ADGRL2: variants seen among roughly 807,000 people sequenced by gnomAD.
ADGRL2 encodes calcium-independent alpha-latrotoxin receptor 2.
Under a neutral mutation model 157.4 loss-of-function variants are expected in ADGRL2, and 44 were observed. The ratio of observed to expected loss-of-function variants is 0.28; its 90% CI spans 0.22 to 0.36. ADGRL2 has a LOEUF of 0.36. Among genes scored for constraint, ADGRL2 ranks in the 10% least tolerant of loss-of-function variants. The probability of loss-of-function intolerance (pLI) is 1.00; values close to 1 mark genes in which losing one functional copy is unlikely to be tolerated. For synonymous variants in ADGRL2, 585 were observed against 624.7 expected, an observed-to-expected ratio of 0.94 and a Z score of 0.95; for missense variants, 1,510 against 1,768.9, an observed-to-expected ratio of 0.85 and a Z score of 2.63.
At chr1:81,491,938 T>C (rs1001775336) in intron 2 of ADGRL2, among the ~76,000 whole-genome samples, 54 of 152,270 alleles carry the variant, frequency 3.5e-4, no homozygotes, top group African/African-American at 1.2e-3. Flanking sequence ...ATGAGATGAC[T>C]GAAGATGGAA....
intron 3 of ADGRL2, among the ~76,000 whole-genome samples, chr1:81,914,658 A>G: frequency 6.6e-6 from 1 of 152,118 alleles, no homozygotes; most frequent in East Asian, 1.9e-4. Flanking sequence ...CTAACCCATC[A>G]TGTCTATGCA....
chr1:81,770,095 T>C (rs1273285579), intron 2 of ADGRL2, among the ~76,000 whole-genome samples: 2 of 149,242 alleles, frequency 1.3e-5, no homozygotes, highest in Non-Finnish European at 3.0e-5. Flanking sequence ...CCTCAGGTGG[T>C]CCACCTGCCT....
intron 1 of ADGRL2, among the ~76,000 whole-genome samples, chr1:81,386,600 T>C (rs2076440271): frequency 6.6e-6 from 1 of 152,134 alleles, no homozygotes; most frequent in South Asian, 2.1e-4. Flanking sequence ...ATTACCAAGC[T>C]AGAAAACATT....
At chr1:81,904,374 A>T (rs771913467) in intron 2 of ADGRL2, among the ~76,000 whole-genome samples, 1 of 152,230 alleles carries the variant, frequency 6.6e-6, no homozygotes, top group Non-Finnish European at 1.5e-5. Flanking sequence ...GGATTAAATA[A>T]AGTGGTATTT....
chr1:81,966,236 TATTA>T (rs1229433635), intron 12 of ADGRL2, 53 bp downstream of exon 12: 2 of 1,607,600 alleles, frequency 1.2e-6, no homozygotes, highest in African/African-American at 2.7e-5. Flanking sequence ...TTCAAAAACC[TATTA>T]ATTCTAAAAT....
chr1:81,918,669 A>G (rs532341890), intron 3 of ADGRL2, among the ~76,000 whole-genome samples: 5 of 152,206 alleles, frequency 3.3e-5, no homozygotes, highest in African/African-American at 9.6e-5. Flanking sequence ...CATCACAACT[A>G]TCAGTAGTAA....
chr1:81,562,477 T>C (rs977481166), intron 2 of ADGRL2, among the ~76,000 whole-genome samples: 12 of 150,156 alleles, frequency 8.0e-5, no homozygotes, highest in Non-Finnish European at 1.5e-5. Flanking sequence ...TAATGCAAAC[T>C]TTTTTATGTG....
chr1:81,791,696 G>C (rs574966182), intron 2 of ADGRL2, among the ~76,000 whole-genome samples: 1 of 152,156 alleles, frequency 6.6e-6, no homozygotes, highest in Admixed American at 6.5e-5. Context: ...GTTCTGTGTA[G>C]GATATACTTC....
Position 81,825,325 on chromosome 1 carries a change from G to A in ADGRL2, c.-100-11560G>A, listed in dbSNP as rs192877938. On this transcript the variant is annotated intron_variant, in intron 1 of 23. Transcript: ENST00000686636. ...TGCATTGAGCTATGGTCGTGCCATTGCACTCTTAGCTGAGCAGCAGAGCAA... is the reference window on the plus strand; with the variant it reads ...TGCATTGAGCTATGGTCGTGCCATTACACTCTTAGCTGAGCAGCAGAGCAA... 1.8e-4 allele frequency among the ~76,000 whole-genome samples: 28 copies of A among 152,200 alleles called. No homozygotes were observed. In the East Asian group the frequency reaches 5.2e-3, roughly 28 times the overall value.
At chr1:81,720,804 A>G (rs2084283624) in intron 1 of ADGRL2, among the ~76,000 whole-genome samples, 1 of 151,576 alleles carries the variant, frequency 6.6e-6, no homozygotes, top group African/African-American at 2.4e-5. Context: ...ACACCTATAT[A>G]TCAATAAAGC....
intron 2 of ADGRL2, among the ~76,000 whole-genome samples, chr1:81,838,428 G>C (rs895435080): frequency 2.0e-5 from 3 of 152,038 alleles, no homozygotes; most frequent in African/African-American, 7.2e-5. Flanking sequence ...CTTTGCTTTA[G>C]AATTGAAGAT....
chr1:81,802,719 G>T (rs904447348), intron 1 of ADGRL2, among the ~76,000 whole-genome samples: 13 of 152,162 alleles, frequency 8.5e-5, no homozygotes, highest in Non-Finnish European at 1.6e-4. Context: ...CGCCCGCTTT[G>T]CCCTCCGGTC....
chr1:81,956,834 A>G (rs1410701039), intron 11 of ADGRL2, among the ~76,000 whole-genome samples: 1 of 152,222 alleles, frequency 6.6e-6, no homozygotes, highest in Admixed American at 6.5e-5. Context: ...TTCCACCAGA[A>G]GCAGTGCTAA....
At chr1:81,322,214 T>A (rs1660575573) in intron 1 of ADGRL2, among the ~76,000 whole-genome samples, 1 of 150,656 alleles carries the variant, frequency 6.6e-6, no homozygotes, top group South Asian at 2.1e-4. Context: ...ACGCACACAC[T>A]GTATAAACAA....
intron 6 of ADGRL2, among the ~76,000 whole-genome samples, chr1:81,944,050 T>G (rs1268206534): frequency 6.6e-6 from 1 of 152,044 alleles, no homozygotes; most frequent in Non-Finnish European, 1.5e-5. Flanking sequence ...AGTGTTTTTT[T>G]GTTTGGTTGT....
At chr1:81,836,798 A>G (rs2150193005) in intron 1 of ADGRL2, 87 bp from the exon 2 acceptor site, 1 of 453,290 alleles carries the variant, frequency 2.2e-6, no homozygotes, top group East Asian at 3.6e-5. Flanking sequence ...TTTTATATTC[A>G]GGAGAGAGAG....
chr1:81,779,138 A>G (rs1279245538), intron 2 of ADGRL2, among the ~76,000 whole-genome samples: 1 of 152,186 alleles, frequency 6.6e-6, no homozygotes, highest in African/African-American at 2.4e-5. Flanking sequence ...CTAGAGATAA[A>G]GTAGTGAACA....
At chr1:81,436,195 C>T (rs1421053468) in intron 1 of ADGRL2, among the ~76,000 whole-genome samples, 1 of 152,160 alleles carries the variant, frequency 6.6e-6, no homozygotes, top group Non-Finnish European at 1.5e-5. Context: ...ATTCAATTCT[C>T]CAATCAGCAA....
chr1:81,952,020 G>T lies in ADGRL2; in HGVS notation c.1672G>T (p.Val558Leu), dbSNP rs1027193209. 2 of 1,613,662 alleles carry T rather than the reference G, an allele frequency of 1.2e-6. No homozygotes were observed. Among genetic ancestry groups the T allele is most frequent in the African/African-American group, 1.3e-5 (1 of 74,908 alleles). Residue 558 changes from valine (V) to leucine (L), a missense_variant, in exon 9 of 24, where the codon GTG becomes TTG. By Grantham distance (32) the Val-to-Leu change is conservative. Coordinates refer to ENST00000686636, the MANE Select transcript of ADGRL2 (RefSeq NM_001366006.2). Reference sequence around the variant, plus strand: ...ACTGGCTAAACATACCAAAGGGCCAGTGTTTGCTGGGGATGTAAGTTCTTC... The same window carrying T: ...ACTGGCTAAACATACCAAAGGGCCATTGTTTGCTGGGGATGTAAGTTCTTC... Reference protein sequence around the residue: ...NELAKHTKGPVFAGDVSSSVR... With the variant: ...NELAKHTKGPLFAGDVSSSVR...
Sources: gnomAD v4.1 joint callset for allele counts (sites outside exome capture counted in the v4.1 genomes callset) on GRCh38, gnomAD v4.1.1 for gene constraint, MANE v1.5 for transcripts, NCBI Gene and HGNC (gene_info 2026-07-23, HGNC 2026-07-21) for gene names.